Variants in MACROD2 observed in about 807,000 individuals in gnomAD.
The protein encoded by MACROD2 is ADP-ribose glycohydrolase MACROD2.
MACROD2 carries 36 observed loss-of-function variants against 70.4 expected under a neutral mutation model. The observed-to-expected ratio is 0.51, with a 90% confidence interval of 0.39 to 0.68. The LOEUF (loss-of-function observed/expected upper bound fraction) is 0.68, where lower values mean the gene tolerates loss of function less well. Ranked by LOEUF, MACROD2 falls within the 30% of genes least tolerant of loss-of-function variation. MACROD2 has a pLI of 0.00. For synonymous variants in MACROD2, 172 were observed against 178.8 expected, an observed-to-expected ratio of 0.96 and a Z score of 0.30; for missense variants, 496 against 538.4, an observed-to-expected ratio of 0.92 and a Z score of 0.78.
intron 5 of MACROD2, among the ~76,000 whole-genome samples, chr20:15,062,531 A>T (rs1206769403): frequency 6.9e-6 from 1 of 144,144 alleles, no homozygotes; most frequent in African/African-American, 2.6e-5. Context: ...TGATACCTGT[A>T]AAAAAAAAAA....
At chr20:15,396,846 A>T (rs1451506713) in intron 6 of MACROD2, among the ~76,000 whole-genome samples, 1 of 152,134 alleles carries the variant, frequency 6.6e-6, no homozygotes, top group East Asian at 1.9e-4. Flanking sequence ...CCTACTGGGA[A>T]CACCTCATTG....
chr20:14,901,055 C>A (rs984457092), intron 5 of MACROD2, among the ~76,000 whole-genome samples: 1 of 152,096 alleles, frequency 6.6e-6, no homozygotes, highest in East Asian at 1.9e-4. Flanking sequence ...ATGAACATAA[C>A]CAAAGGGCAT....
chr20:15,842,299 A>G (rs1443738963), intron 8 of MACROD2, among the ~76,000 whole-genome samples: 2 of 152,054 alleles, frequency 1.3e-5, no homozygotes, highest in Non-Finnish European at 2.9e-5. Flanking sequence ...CTGTTGGGAA[A>G]GGGACAGCAT....
intron 3 of MACROD2, among the ~76,000 whole-genome samples, chr20:14,230,631 T>TATATATATATATATATA (rs1569217269): frequency 9.5e-5 from 9 of 94,256 alleles, no homozygotes; most frequent in Non-Finnish European, 1.5e-4. Flanking sequence ...TCATTCATGT[T>TATATATATATATATATA]TATATATATA....
intron 7 of MACROD2, among the ~76,000 whole-genome samples, chr20:15,468,940 T>G (rs1245831234): frequency 6.6e-6 from 1 of 152,218 alleles, no homozygotes; most frequent in African/African-American, 2.4e-5. Flanking sequence ...CTGTTCACTT[T>G]GCAAGACCTC....
At position 15,027,468 on chromosome 20, in the gene MACROD2, A is replaced by G. The variant is rs187530954; in HGVS notation, c.419-202472A>G. Among the ~76,000 whole-genome samples, 12 of 151,728 alleles carry G rather than the reference A, an allele frequency of 7.9e-5. No homozygotes were observed. In the East Asian group the frequency reaches 1.8e-3, roughly 22 times the overall value. ...TGGCTGTTTGAATTACAGCTCTACT[A>G]TTTCTCAGCTGTGTAGATGAGACAC... On this transcript the variant is annotated intron_variant, in intron 5 of 17. Transcript: ENST00000684519.
intron 3 of MACROD2, among the ~76,000 whole-genome samples, chr20:14,141,175 G>T (rs766026712): frequency 5.3e-5 from 8 of 152,148 alleles, no homozygotes; most frequent in Non-Finnish European, 1.2e-4. Flanking sequence ...AGAGGTATCT[G>T]CTTGTAATAG....
At chr20:14,912,067 G>C (rs367964231) in intron 5 of MACROD2, among the ~76,000 whole-genome samples, 1 of 152,106 alleles carries the variant, frequency 6.6e-6, no homozygotes, top group Non-Finnish European at 1.5e-5. Flanking sequence ...CCTACAGCGT[G>C]CTACAGGAAG....
chr20:14,719,473 G>GAA (rs11087105), intron 5 of MACROD2, among the ~76,000 whole-genome samples: 4 of 136,318 alleles, frequency 2.9e-5, no homozygotes, highest in South Asian at 2.3e-4. Flanking sequence ...AAGATAGAAA[G>GAA]AAAAAAAAAA....
intron 7 of MACROD2, among the ~76,000 whole-genome samples, chr20:15,454,671 C>A (rs1352407593): frequency 7.9e-6 from 1 of 126,196 alleles, no homozygotes; most frequent in African/African-American, 2.8e-5. Flanking sequence ...CGCTGGCTCT[C>A]TTCATAAATC....
At chr20:16,023,473 CA>C (rs60347463) in intron 15 of MACROD2, among the ~76,000 whole-genome samples, 2,489 of 71,316 alleles carry the variant, frequency 0.035, 54 homozygotes, top group African/African-American at 0.12. Flanking sequence ...GACTCCATCT[CA>C]AAAAAAAAAA....
At chr20:14,952,370 G>A (rs1267462016) in intron 5 of MACROD2, among the ~76,000 whole-genome samples, 1 of 152,108 alleles carries the variant, frequency 6.6e-6, no homozygotes, top group Non-Finnish European at 1.5e-5. Flanking sequence ...TTAAAATTGT[G>A]TTCTGATGTA....
intron 16 of MACROD2, 81 bp downstream of exon 16, chr20:16,041,359 A>T: frequency 8.8e-7 from 1 of 1,138,782 alleles, no homozygotes; most frequent in South Asian, 1.5e-5. Flanking sequence ...TAAGGGAACT[A>T]TCTGTTCTAT....
At chr20:15,737,830 G>A (rs977925050) in intron 8 of MACROD2, among the ~76,000 whole-genome samples, 2 of 151,914 alleles carry the variant, frequency 1.3e-5, no homozygotes, top group East Asian at 3.9e-4. Context: ...CATATGTAAT[G>A]GACTGGAAAA....
At chr20:14,748,666 T>C (rs1000688130) in intron 5 of MACROD2, among the ~76,000 whole-genome samples, 4 of 152,152 alleles carry the variant, frequency 2.6e-5, no homozygotes, top group Admixed American at 2.6e-4. Context: ...TCAAGAAATT[T>C]GCCTACTTCT....
chr20:15,109,722 A>G (rs1207486382), intron 5 of MACROD2, among the ~76,000 whole-genome samples: 1 of 152,170 alleles, frequency 6.6e-6, no homozygotes, highest in Non-Finnish European at 1.5e-5. Context: ...TACGTGCACA[A>G]TCACCTGTTG....
At chr20:15,088,838 T>A (rs1381685195) in intron 5 of MACROD2, among the ~76,000 whole-genome samples, 1 of 152,034 alleles carries the variant, frequency 6.6e-6, no homozygotes, top group Non-Finnish European at 1.5e-5. Flanking sequence ...TTTTAGAACC[T>A]CTTAGGAGGA....
intron 5 of MACROD2, among the ~76,000 whole-genome samples, chr20:15,091,166 T>G (rs2075789819): frequency 6.6e-6 from 1 of 152,038 alleles, no homozygotes; most frequent in African/African-American, 2.4e-5. Context: ...TAGTAACACA[T>G]TCAACATTGA....
intron 3 of MACROD2, among the ~76,000 whole-genome samples, chr20:14,291,681 C>T (rs1222427331): frequency 6.6e-6 from 1 of 151,914 alleles, no homozygotes; most frequent in Non-Finnish European, 1.5e-5. Flanking sequence ...TATGCCTTCA[C>T]ATTTGTCCAC....
Sources: allele counts gnomAD v4.1 joint callset (sites outside exome capture counted in the v4.1 genomes callset), GRCh38; gene constraint gnomAD v4.1.1; transcripts MANE v1.5; gene names NCBI Gene and HGNC (gene_info 2026-07-23, HGNC 2026-07-21).